The following ERICH2 variants were observed in gnomAD, a reference collection of about 807,000 sequenced individuals.
ERICH2 encodes glutamate rich 2.
A neutral mutation model predicts 17.4 loss-of-function variants in ERICH2; 17 were observed. The observed-to-expected ratio is 0.98, with a 90% CI of 0.67 to 1.47. ERICH2 has a LOEUF of 1.47. Ranked by LOEUF, ERICH2 falls within the 40% of genes most tolerant of loss-of-function variation. ERICH2 has a pLI of 0.00. For missense variants in ERICH2, 186 were observed against 183.2 expected (o/e 1.01, Z -0.09); for synonymous variants, 51 against 61.1 (o/e 0.83, Z 0.77).
intron 3 of ERICH2, among the ~76,000 whole-genome samples, chr2:170,794,105 C>CTTTTTTTTTTTTTTTT: frequency 1.1e-5 from 1 of 88,166 alleles, no homozygotes; most frequent in Non-Finnish European, 2.1e-5. Flanking sequence ...TCCTTTCTTT[C>CTTTTTTTTTTTTTTTT]TTTTTTTTTT....
chr2:170,792,584 C>T (rs1701314909), intron 2 of ERICH2, among the ~76,000 whole-genome samples: 1 of 152,118 alleles, frequency 6.6e-6, no homozygotes, highest in Non-Finnish European at 1.5e-5. Flanking sequence ...ACTATCTGTG[C>T]CAGTTGAATC....
intron 2 of ERICH2, among the ~76,000 whole-genome samples, chr2:170,789,255 G>A (rs1036073013): frequency 6.6e-6 from 1 of 151,654 alleles, no homozygotes; most frequent in African/African-American, 2.4e-5. Flanking sequence ...ATGAGCCACT[G>A]TGCCCATCCT....
chr2:170,778,810 A>G (rs921708748), upstream of ERICH2, among the ~76,000 whole-genome samples: 1 of 152,212 alleles, frequency 6.6e-6, no homozygotes, highest in African/African-American at 2.4e-5. Flanking sequence ...AAAAGAAATT[A>G]CTGTTGTATC....
chr2:170,797,959 G>A lies in ERICH2; in HGVS notation c.275-82G>A, dbSNP rs568840255. On this transcript the variant is annotated intron_variant, in intron 3 of 4. Coordinates refer to ENST00000409885, the Ensembl canonical transcript of ERICH2. ...TGCCTTTCACCTGCTCTGACTGACA[G>A]TTCAATTTCATTCTAAGGAGCCTGT... is the stretch of plus-strand genomic sequence containing the variant. 10 of 908,444 alleles carry A rather than the reference G, an allele frequency of 1.1e-5. No homozygotes were observed. The Admixed American group carries it at 1.9e-4, about 17-fold the overall frequency. The allele number at this position is 908,444 out of a possible 1,614,324, so 56.3% of individuals were successfully genotyped here.
chr2:170,793,443 G>C (rs1701340243), intron 3 of ERICH2, among the ~76,000 whole-genome samples: 1 of 152,230 alleles, frequency 6.6e-6, no homozygotes, highest in African/African-American at 2.4e-5. Flanking sequence ...AGAAGGAATA[G>C]AAGGTACTGG....
intron 2 of ERICH2, among the ~76,000 whole-genome samples, chr2:170,786,859 TTC>T (rs1701171103): frequency 6.6e-6 from 1 of 152,180 alleles, no homozygotes; most frequent in African/African-American, 2.4e-5. Flanking sequence ...TACCTATTAT[TTC>T]TGTCATCATC....
chr2:170,773,050 G>A, the ERICH2 span, among the ~76,000 whole-genome samples: 1 of 152,166 alleles, frequency 6.6e-6, no homozygotes, highest in African/African-American at 2.4e-5. Context: ...TGAAGTCTGT[G>A]GAGTGTGGAG....
chr2:170,775,419 G>A, the ERICH2 span, among the ~76,000 whole-genome samples: 85 of 152,082 alleles, frequency 5.6e-4, 4 homozygotes, highest in South Asian at 0.011. Context: ...GTGACAGAGC[G>A]AGACTCTGTC....
At chr2:170,771,998 A>G in the ERICH2 span, among the ~76,000 whole-genome samples, 132 of 152,352 alleles carry the variant, frequency 8.7e-4, 1 homozygote, top group Middle Eastern at 3.4e-3. The surrounding 1 kb of genome is among the most constrained non-coding windows in gnomAD (Gnocchi z 4.8). Context: ...ACCAAATACA[A>G]TGATCCCCAA....
At position 170,784,705 on chromosome 2, in the gene ERICH2, C is replaced by T. The variant is rs1162768050; in HGVS notation, c.88C>T (p.Gln30Ter). Residue 30 changes from glutamine (Q) to a stop codon, truncating the protein, a stop_gained, in exon 2 of 5, where the codon CAG (glutamine) becomes TAG (stop). Coordinates refer to ENST00000409885, the Ensembl canonical transcript of ERICH2. LOFTEE classifies it high-confidence loss of function. ...GGAGAAAAATAATGAATATTGCCTT[C>T]AGGATATTGATGATAAATTGTCAGA... The T allele has an allele frequency of 1.3e-6, 2 of 1,544,694 alleles. No homozygotes were observed. The highest frequency in any genetic ancestry group is 1.7e-6 in the Non-Finnish European group (2 of 1,144,782).
intron 2 of ERICH2, among the ~76,000 whole-genome samples, chr2:170,786,938 T>C (rs1372358321): frequency 6.6e-6 from 1 of 152,270 alleles, no homozygotes; most frequent in African/African-American, 2.4e-5. Flanking sequence ...GCCTGCCTGC[T>C]ATTCTATCGT....
intron 2 of ERICH2, among the ~76,000 whole-genome samples, chr2:170,791,568 T>C (rs1407735486): frequency 6.8e-6 from 1 of 147,668 alleles, no homozygotes; most frequent in Non-Finnish European, 1.5e-5. Flanking sequence ...CAGGCGCCTG[T>C]AGTCCCAGCT....
chr2:170,782,961 G>A (rs938573107), upstream of ERICH2, among the ~76,000 whole-genome samples: 4 of 151,966 alleles, frequency 2.6e-5, no homozygotes, highest in South Asian at 2.1e-4. Flanking sequence ...TGCCAAGCAC[G>A]CTAGTATATA....
At chr2:170,794,939 A>G (rs1393186860) in intron 3 of ERICH2, among the ~76,000 whole-genome samples, 5 of 152,238 alleles carry the variant, frequency 3.3e-5, no homozygotes, top group Admixed American at 6.5e-5. Flanking sequence ...CTTTAGAGCC[A>G]TTGAATAAAA....
intron 3 of ERICH2, 53 bp downstream of exon 8, chr2:170,792,973 G>T: frequency 9.2e-7 from 1 of 1,089,798 alleles, no homozygotes. Flanking sequence ...TTTCAAAAAT[G>T]AATTCCGTAA....
At chr2:170,783,812 C>G in exon 1 of ERICH2, 2 of 1,550,442 alleles carry the variant, frequency 1.3e-6, no homozygotes, top group Non-Finnish European at 8.7e-7. Context: ...TAGGTGCACA[C>G]TGGACAGTCA....
At chr2:170,778,121 TAAAA>T in the ERICH2 span, 2 of 153,222 alleles carry the variant, frequency 1.3e-5, no homozygotes, top group African/African-American at 4.8e-5. Context: ...AAACTGGTGT[TAAAA>T]AAATTGTATT....
At chr2:170,776,765 C>CT in the ERICH2 span, among the ~76,000 whole-genome samples, 68 of 145,514 alleles carry the variant, frequency 4.7e-4, no homozygotes, top group South Asian at 1.1e-3. Context: ...CAGAGAATTT[C>CT]TTTTTTTTTT....
Position 170,792,849 on chromosome 2 carries a change from T to G in ERICH2, c.217-14T>G. ...ATTTAAATTCACTTATCTGAAGAATTTAATGTTTTCCAGTTTCTGAGAGCA... is the reference window on the plus strand; with the variant it reads ...ATTTAAATTCACTTATCTGAAGAATGTAATGTTTTCCAGTTTCTGAGAGCA... On this transcript the variant is annotated splice_polypyrimidine_tract_variant and intron_variant, in intron 2 of 4. Transcript: ENST00000409885. The G allele has an allele frequency of 6.7e-7, 1 of 1,487,466 alleles. No individual in the cohort carries two copies. The highest frequency in any genetic ancestry group is 2.3e-5 in the Admixed American group (1 of 43,172). The allele number at this position is 1,487,466 out of a possible 1,614,324, so 92.1% of individuals were successfully genotyped here. A position where few individuals can be genotyped will look rare whatever the true frequency, so the allele number is the denominator to read the frequency against.
Sources: allele counts gnomAD v4.1 joint callset (sites outside exome capture counted in the v4.1 genomes callset), GRCh38; gene constraint gnomAD v4.1.1; non-coding constraint Gnocchi (gnomAD v3.1); transcripts MANE v1.5; gene names NCBI Gene and HGNC (gene_info 2026-07-23, HGNC 2026-07-21).